PCDH11X: variants seen among roughly 807,000 people sequenced by gnomAD.
PCDH11X encodes the protein protocadherin 11 X-linked, also known as protocadherin-11 X-linked.
Under a neutral mutation model 53.3 loss-of-function variants are expected in PCDH11X, and 18 were observed. The observed-to-expected ratio is 0.34, with a 90% CI of 0.23 to 0.50. The LOEUF (loss-of-function observed/expected upper bound fraction) is 0.50, where lower values mean the gene tolerates loss of function less well. Among genes scored for constraint, PCDH11X ranks in the 20% least tolerant of loss-of-function variants. The pLI, the probability that PCDH11X is intolerant of heterozygous loss-of-function variation, is 0.98. For missense variants in PCDH11X, 570 were observed against 1,032.4 expected, an observed-to-expected ratio of 0.55 and a Z score of 6.14; for synonymous variants, 279 against 393.3, an observed-to-expected ratio of 0.71 and a Z score of 3.44.
At chrX:92,093,287 AG>A (rs2064079716) in intron 6 of PCDH11X, among the ~76,000 whole-genome samples, 1 of 111,807 alleles carries the variant, frequency 8.9e-6, no homozygotes, top group South Asian at 3.7e-4. Context: ...AAAAGTGAGA[AG>A]AGGAATATAC....
At chrX:91,977,765 T>A (rs2062065750) in intron 6 of PCDH11X, among the ~76,000 whole-genome samples, 1 of 111,835 alleles carries the variant, frequency 8.9e-6, no homozygotes, top group Non-Finnish European at 1.9e-5. Context: ...AAATCATACT[T>A]GGCCAGCATA....
intron 6 of PCDH11X, among the ~76,000 whole-genome samples, chrX:92,169,213 C>T (rs2065782953): frequency 1.2e-5 from 1 of 86,330 alleles, no homozygotes; most frequent in Non-Finnish European, 2.4e-5. Flanking sequence ...TGACTTGGAG[C>T]ATTGTGAGAA....
chrX:91,870,643 A>G (rs1405442852), intron 5 of PCDH11X, among the ~76,000 whole-genome samples: 1 of 111,397 alleles, frequency 9.0e-6, no homozygotes, highest in Non-Finnish European at 1.9e-5. Context: ...AAATACATGT[A>G]TAATATCTTA....
intron 10 of PCDH11X, among the ~76,000 whole-genome samples, chrX:92,607,300 T>G (rs1295569955): frequency 1.8e-5 from 2 of 109,966 alleles, no homozygotes; most frequent in East Asian, 5.7e-4. Flanking sequence ...AAAAAAGAAC[T>G]GAAGTACTGA....
At chrX:92,526,317 C>G (rs1043153449) in intron 10 of PCDH11X, among the ~76,000 whole-genome samples, 3 of 110,148 alleles carry the variant, frequency 2.7e-5, no homozygotes, top group African/African-American at 9.9e-5. Context: ...TTAATAAGCT[C>G]TACTCTAATT....
chrX:92,006,946 C>T (rs1208866743), intron 6 of PCDH11X, among the ~76,000 whole-genome samples: 1 of 111,320 alleles, frequency 9.0e-6, no homozygotes, highest in African/African-American at 3.3e-5. Context: ...CTTACATTCC[C>T]CCAAACAAAC....
intron 6 of PCDH11X, among the ~76,000 whole-genome samples, chrX:92,144,952 G>A (rs750870596): frequency 9.0e-6 from 1 of 111,011 alleles, no homozygotes; most frequent in African/African-American, 3.3e-5. Flanking sequence ...AATGTCCTGG[G>A]GGAGCTGCCA....
At chrX:92,273,280 CG>C (rs1362531346) in intron 8 of PCDH11X, among the ~76,000 whole-genome samples, 7 of 105,321 alleles carry the variant, frequency 6.6e-5, no homozygotes, top group Non-Finnish European at 1.2e-4. Flanking sequence ...TGGGCAGGGG[CG>C]GGGGTCACAA....
At chrX:91,875,838 T>A (rs1419406490) in intron 5 of PCDH11X, among the ~76,000 whole-genome samples, 1 of 110,679 alleles carries the variant, frequency 9.0e-6, no homozygotes, top group African/African-American at 3.3e-5. Flanking sequence ...CAAATTTATA[T>A]TTTAACCAGT....
At chrX:92,087,946 A>G (rs1216448138) in intron 6 of PCDH11X, among the ~76,000 whole-genome samples, 1 of 98,578 alleles carries the variant, frequency 1.0e-5, no homozygotes, top group African/African-American at 4.1e-5. Flanking sequence ...TATATATGAT[A>G]TATATATAAG....
chrX:92,115,795 C>T lies in PCDH11X; in HGVS notation c.3034-85580C>T, dbSNP rs192117380. Reference sequence around the variant, plus strand: ...TTCTTCTGACTGCCTTTTCTAGCTGCGCTGGCAGGTGATTGGATGATGCCC... The same window carrying T: ...TTCTTCTGACTGCCTTTTCTAGCTGTGCTGGCAGGTGATTGGATGATGCCC... On this transcript the variant is annotated intron_variant, in intron 6 of 10. Transcript: ENST00000682573. 5.4e-3 allele frequency among the ~76,000 whole-genome samples: 588 copies of T among 109,348 alleles called. 1 individual carries two copies. The highest frequency in any genetic ancestry group is 8.9e-3 in the Non-Finnish European group (466 of 52,549). 95.0% of individuals were successfully genotyped at this position (109,348 alleles called of 115,157 possible).
At chrX:92,146,364 G>T (rs1027556092) in intron 6 of PCDH11X, among the ~76,000 whole-genome samples, 7 of 111,065 alleles carry the variant, frequency 6.3e-5, no homozygotes, top group African/African-American at 2.3e-4. Context: ...GGAGCCTACA[G>T]CCCTCCTGTA....
At chrX:92,053,072 A>T (rs2148050002) in intron 6 of PCDH11X, among the ~76,000 whole-genome samples, 2 of 112,039 alleles carry the variant, frequency 1.8e-5, no homozygotes, top group East Asian at 5.6e-4. Context: ...TTCTTATTTC[A>T]TGTATTCTAA....
intron 8 of PCDH11X, among the ~76,000 whole-genome samples, chrX:92,351,151 A>G (rs1187699050): frequency 1.8e-5 from 2 of 111,981 alleles, no homozygotes; most frequent in Non-Finnish European, 3.8e-5. Flanking sequence ...ATAATCCCTA[A>G]TCAGATATAT....
rs1362755961 is a variant in PCDH11X, at chrX:92,406,010, G to T, written c.3343+18077G>T. Among the ~76,000 whole-genome samples the T allele has an allele frequency of 2.9e-5, 3 of 105,022 alleles. No homozygotes were observed. The East Asian group carries it at 9.1e-4, about 32-fold the overall frequency. The allele number at this position is 105,022 out of a possible 115,157, so 91.2% of individuals were successfully genotyped here. On this transcript the variant is annotated intron_variant, in intron 9 of 10. Transcript: ENST00000682573. ...CGCGGGAGGCTGAGGCAGGAGAATG[G>T]CGTGAACCCAGGAGGCGGAGCTTGC...
intron 7 of PCDH11X, among the ~76,000 whole-genome samples, chrX:92,262,190 C>G (rs1329881480): frequency 1.8e-5 from 2 of 110,752 alleles, no homozygotes; most frequent in African/African-American, 6.5e-5. Context: ...CTCTATTTCT[C>G]TTAGTATTTA....
At chrX:92,544,554 TTTTG>T (rs1248816506) in intron 10 of PCDH11X, among the ~76,000 whole-genome samples, 1 of 108,363 alleles carries the variant, frequency 9.2e-6, no homozygotes, top group Non-Finnish European at 1.9e-5. Flanking sequence ...ATTATTTTGC[TTTTG>T]TTTTATTATT....
chrX:92,219,531 C>A (rs1235538850), intron 7 of PCDH11X, among the ~76,000 whole-genome samples: 1 of 109,217 alleles, frequency 9.2e-6, no homozygotes, highest in Non-Finnish European at 1.9e-5. Flanking sequence ...CAAACCACTG[C>A]TCAATGAAAT....
chrX:91,853,962 T>C (rs968737341), intron 5 of PCDH11X, among the ~76,000 whole-genome samples: 1 of 111,316 alleles, frequency 9.0e-6, no homozygotes, highest in Non-Finnish European at 1.9e-5. Flanking sequence ...GATCACATCG[T>C]GGTAAATGGG....
Sources: allele counts gnomAD v4.1 joint callset (sites outside exome capture counted in the v4.1 genomes callset), GRCh38; gene constraint gnomAD v4.1.1; transcripts MANE v1.5; gene names NCBI Gene and HGNC (gene_info 2026-07-23, HGNC 2026-07-21).